Variants in LPP observed in about 807,000 individuals in gnomAD.
LPP encodes lipoma-preferred partner.
In LPP, 38 loss-of-function variants were observed where a neutral mutation model predicts 60.4. The ratio of observed to expected loss-of-function variants is 0.63; its 90% CI spans 0.49 to 0.83. LPP has a LOEUF of 0.83. LPP is among the 40% of genes least tolerant of loss of function. The probability of loss-of-function intolerance (pLI) is 0.00; values close to 1 mark genes in which losing one functional copy is unlikely to be tolerated. For synonymous variants in LPP, 328 were observed against 290.8 expected, an observed-to-expected ratio of 1.13 and a Z score of -1.30; for missense variants, 902 against 783.6, an observed-to-expected ratio of 1.15 and a Z score of -1.80.
chr3:188,804,283 A>ATATATATATATATATAT lies in LPP; in HGVS notation c.1410+44001_1410+44002insTATATATATATATATAT, dbSNP rs1553853277. Among the ~76,000 whole-genome samples, 127 of 126,624 alleles carry ATATATATATATATATAT rather than the reference A, an allele frequency of 1.0e-3. 1 individual carries two copies. Among genetic ancestry groups the ATATATATATATATATAT allele is most frequent in the East Asian group, 1.6e-3 (6 of 3,748 alleles). 83.1% of individuals were successfully genotyped at this position (126,624 alleles called of 152,430 possible). ...TATATATATATATATATATATATAT[A>ATATATATATATATATAT]AAATGGAATACAATTCAGCCATAAA... On this transcript the variant is annotated intron_variant, in intron 9 of 11. Coordinates refer to ENST00000617246, the MANE Select transcript of LPP (RefSeq NM_001375462.1).
At chr3:188,676,542 C>A (rs75928557) in intron 7 of LPP, among the ~76,000 whole-genome samples, 4,853 of 152,234 alleles carry the variant, frequency 0.032, 256 homozygotes, top group African/African-American at 0.11. Flanking sequence ...TGTTATATGT[C>A]TTTGTACTTG....
chr3:188,179,835 A>C, intron 1 of LPP: 2 of 275,738 alleles, frequency 7.3e-6, no homozygotes, highest in East Asian at 1.0e-4. Context: ...CCTTGGGTCC[A>C]TTTGACAGAT....
At chr3:188,786,507 A>G (rs902930441) in intron 9 of LPP, among the ~76,000 whole-genome samples, 1 of 151,966 alleles carries the variant, frequency 6.6e-6, no homozygotes, top group Non-Finnish European at 1.5e-5. Flanking sequence ...TTCTAGAGAA[A>G]GTTTTGGGAA....
At chr3:188,467,937 C>G (rs1299223992) in intron 4 of LPP, among the ~76,000 whole-genome samples, 1 of 152,088 alleles carries the variant, frequency 6.6e-6, no homozygotes, top group African/African-American at 2.4e-5. Flanking sequence ...TCTAAACAAC[C>G]AAGCTTGTGG....
chr3:188,531,023 G>T (rs543865764), intron 6 of LPP, among the ~76,000 whole-genome samples: 1 of 152,218 alleles, frequency 6.6e-6, no homozygotes, highest in African/African-American at 2.4e-5. Context: ...CTAGTTTCTA[G>T]TACAGGGCTG....
At chr3:188,833,204 C>T (rs1203047214) in intron 9 of LPP, among the ~76,000 whole-genome samples, 2 of 152,304 alleles carry the variant, frequency 1.3e-5, no homozygotes, top group Admixed American at 6.5e-5. Flanking sequence ...GAGACAGGCT[C>T]TCCAGGGAAA....
intron 6 of LPP, among the ~76,000 whole-genome samples, chr3:188,587,710 CT>C (rs1837783476): frequency 6.6e-6 from 1 of 152,176 alleles, no homozygotes; most frequent in African/African-American, 2.4e-5. Context: ...CCAGAATTAT[CT>C]GATGCAATGT....
chr3:188,651,069 C>A (rs1271140753), intron 7 of LPP, among the ~76,000 whole-genome samples: 2 of 152,188 alleles, frequency 1.3e-5, no homozygotes, highest in African/African-American at 4.8e-5. Flanking sequence ...AGTTTTGAAA[C>A]ACTCAGTCAA....
intron 2 of LPP, among the ~76,000 whole-genome samples, chr3:188,297,127 G>T (rs999881080): frequency 2.6e-5 from 4 of 152,224 alleles, no homozygotes; most frequent in African/African-American, 9.6e-5. Flanking sequence ...AGCAGGGAAT[G>T]ATGTCATTCG....
At chr3:188,207,380 C>T (rs886544519) in intron 1 of LPP, among the ~76,000 whole-genome samples, 1 of 151,746 alleles carries the variant, frequency 6.6e-6, no homozygotes, top group Non-Finnish European at 1.5e-5. Context: ...TACAGGCACA[C>T]ACCACCACGC....
At chr3:188,215,447 C>T (rs1403393674) in intron 1 of LPP, among the ~76,000 whole-genome samples, 1 of 152,176 alleles carries the variant, frequency 6.6e-6, no homozygotes, top group African/African-American at 2.4e-5. Context: ...TCCTCTCCTC[C>T]AGCCCCTGGC....
At chr3:188,374,153 CT>C in intron 3 of LPP, among the ~76,000 whole-genome samples, 1 of 152,060 alleles carries the variant, frequency 6.6e-6, no homozygotes, top group East Asian at 1.9e-4. Context: ...ATGCCTCTGG[CT>C]TTGTTCTTTT....
At chr3:188,869,892 C>A (rs1279838542) in intron 10 of LPP, among the ~76,000 whole-genome samples, 1 of 152,182 alleles carries the variant, frequency 6.6e-6, no homozygotes, top group African/African-American at 2.4e-5. Context: ...CCGCTGCAAC[C>A]ACTGCAGTCT....
intron 2 of LPP, chr3:188,247,170 AC>A (rs1727260383): frequency 1.0e-6 from 1 of 984,552 alleles, no homozygotes; most frequent in African/African-American, 1.8e-5. Context: ...TGTCCAGAAG[AC>A]CTCTGGAGAA....
intron 9 of LPP, among the ~76,000 whole-genome samples, chr3:188,814,007 G>T (rs945414210): frequency 6.6e-6 from 1 of 152,148 alleles, no homozygotes; most frequent in African/African-American, 2.4e-5. Flanking sequence ...GGGAGACAGA[G>T]GTTGCAGTGA....
At chr3:188,588,804 G>T (rs1454514804) in intron 6 of LPP, among the ~76,000 whole-genome samples, 1 of 152,046 alleles carries the variant, frequency 6.6e-6, no homozygotes, top group Non-Finnish European at 1.5e-5. Context: ...TCCAAGGCCA[G>T]TGTATGTGTG....
At chr3:188,791,969 A>G (rs559575191) in intron 9 of LPP, among the ~76,000 whole-genome samples, 1 of 152,242 alleles carries the variant, frequency 6.6e-6, no homozygotes, top group African/African-American at 2.4e-5. Context: ...TAGATGCTCT[A>G]TTAGTGTTGG....
At chr3:188,275,779 G>A (rs1468278436) in intron 2 of LPP, among the ~76,000 whole-genome samples, 1 of 151,998 alleles carries the variant, frequency 6.6e-6, no homozygotes, top group African/African-American at 2.4e-5. Flanking sequence ...AGGTTCAAGC[G>A]ATTCTCCTGC....
chr3:188,380,703 A>G (rs537969406), intron 3 of LPP, among the ~76,000 whole-genome samples: 5 of 152,296 alleles, frequency 3.3e-5, no homozygotes, highest in African/African-American at 1.2e-4. Context: ...ACCTCCTGAA[A>G]TTGTTTGCAA....
Sources: gnomAD v4.1 joint callset for allele counts (sites outside exome capture counted in the v4.1 genomes callset) on GRCh38, gnomAD v4.1.1 for gene constraint, MANE v1.5 for transcripts, NCBI Gene and HGNC (gene_info 2026-07-23, HGNC 2026-07-21) for gene names.